The following GEN1 variants were observed in gnomAD, a reference collection of about 807,000 sequenced individuals.
The protein encoded by GEN1 is flap endonuclease GEN homolog 1.
Under a neutral mutation model 67.6 loss-of-function variants are expected in GEN1, and 64 were observed. The ratio of observed to expected loss-of-function variants is 0.95; its 90% CI spans 0.77 to 1.17. GEN1 has a LOEUF of 1.17. Ranked by LOEUF, GEN1 falls within the 50% of genes most tolerant of loss-of-function variation. The pLI, the probability that GEN1 is intolerant of heterozygous loss-of-function variation, is 0.00. For synonymous variants in GEN1, 371 were observed against 359.4 expected, an observed-to-expected ratio of 1.03 and a Z score of -0.37; for missense variants, 1,058 against 1,048.3, an observed-to-expected ratio of 1.01 and a Z score of -0.13.
chr2:17,756,954 T>C (rs1315070770), intron 1 of GEN1, among the ~76,000 whole-genome samples: 4 of 152,176 alleles, frequency 2.6e-5, no homozygotes, highest in African/African-American at 7.2e-5. Context: ...AAAGAACATG[T>C]GATAAGGAAT....
At position 17,783,954 on chromosome 2, in the gene GEN1, T is replaced by A. The variant is rs1169069339; in HGVS notation, c.*2015T>A. 2 of 152,196 alleles carry A rather than the reference T, an allele frequency of 1.3e-5. No individual in the cohort carries two copies. Among genetic ancestry groups the A allele is most frequent in the African/African-American group, 4.8e-5 (2 of 41,458 alleles). The allele number at this position is 152,196 out of a possible 1,614,324, so 9.4% of individuals were successfully genotyped here. Reference sequence around the variant, plus strand: ...TTGGATTAGGCAAGGATTTCTTAAATATACCCAAAGCATAGGCAACAAAAG... The same window carrying A: ...TTGGATTAGGCAAGGATTTCTTAAAAATACCCAAAGCATAGGCAACAAAAG... On this transcript the variant is annotated 3_prime_UTR_variant, in exon 14 of 14. Transcript: ENST00000381254.
intron 12 of GEN1, among the ~76,000 whole-genome samples, chr2:17,778,430 GTATA>G (rs1190324781): frequency 1.2e-5 from 1 of 84,226 alleles, no homozygotes; most frequent in Non-Finnish European, 2.4e-5. Flanking sequence ...GTACATATAT[GTATA>G]TACACACACA....
chr2:17,764,765 T>C, intron 3 of GEN1, 132 bp from the exon 4 acceptor site: 3 of 781,970 alleles, frequency 3.8e-6, no homozygotes, highest in East Asian at 2.9e-5. Flanking sequence ...TCCAAGTGTT[T>C]CTTAAATATC....
chr2:17,765,758 T>C (rs552168511), intron 4 of GEN1, among the ~76,000 whole-genome samples: 2 of 152,312 alleles, frequency 1.3e-5, no homozygotes, highest in African/African-American at 4.8e-5. Flanking sequence ...ATAAAAGATA[T>C]CCAGACATAT....
chr2:17,780,194 C>G (rs1672758192), intron 13 of GEN1, 73 bp downstream of exon 13: 2 of 1,163,562 alleles, frequency 1.7e-6, no homozygotes, highest in Non-Finnish European at 1.2e-6. Flanking sequence ...CTGTTTGAAT[C>G]TGCTGTGTCT....
chr2:17,755,695 T>C (rs1426994090), intron 1 of GEN1: 1 of 152,226 alleles, frequency 6.6e-6, no homozygotes, highest in Non-Finnish European at 1.5e-5. Flanking sequence ...AATTTTCTAA[T>C]GTTTTTCTTA....
rs1279717394 is a variant in GEN1, at chr2:17,760,049, T to C, written c.106T>C (p.Cys36Arg). The C allele has an allele frequency of 6.2e-7, 1 of 1,614,096 alleles. No homozygotes were observed. Among genetic ancestry groups the C allele is most frequent in the African/African-American group, 1.3e-5 (1 of 75,022 alleles). ...TGCAGTTGATCTGAGTCTCTGGGTG[T>C]GTGAGGCACAGACAGTCAAAAAAAT... ...TIAVDLSLWV[C>R]EAQTVKKMMG... The change falls in exon 2 of 14, where the codon TGT (cysteine) becomes CGT (arginine). Residue 36 changes from cysteine to arginine, a missense_variant. Transcript: ENST00000381254.
chr2:17,782,065 A>T lies in GEN1; in HGVS notation c.*126A>T. 1 of 558,334 alleles carries T rather than the reference A, an allele frequency of 1.8e-6. No individual in the cohort carries two copies. The highest frequency in any genetic ancestry group is 3.1e-6 in the Non-Finnish European group (1 of 323,738). 34.6% of individuals were successfully genotyped at this position (558,334 alleles called of 1,614,324 possible). The stretch of plus-strand genomic sequence containing the variant: ...TTCTCTGTGTCATGAAACACTTGCC[A>T]TTTTAATCAAAGTTGTAATTTTTAA... On this transcript the variant is annotated 3_prime_UTR_variant, in exon 14 of 14. Transcript: ENST00000381254.
intron 1 of GEN1, among the ~76,000 whole-genome samples, chr2:17,759,583 T>A (rs1218975361): frequency 6.6e-6 from 1 of 152,100 alleles, no homozygotes; most frequent in African/African-American, 2.4e-5. Flanking sequence ...CATGCTTCCT[T>A]GCTTTTCTTT....
chr2:17,765,474 G>A (rs542018873), intron 4 of GEN1, among the ~76,000 whole-genome samples: 214 of 152,320 alleles, frequency 1.4e-3, no homozygotes, highest in African/African-American at 4.3e-3. Flanking sequence ...CAAGCAGCCC[G>A]AGTGCTCATT....
intron 1 of GEN1, among the ~76,000 whole-genome samples, chr2:17,759,635 A>G (rs916060103): frequency 2.6e-5 from 4 of 151,578 alleles, no homozygotes; most frequent in African/African-American, 9.7e-5. Flanking sequence ...CCCATTCTCT[A>G]AGTATGTAAA....
intron 3 of GEN1, among the ~76,000 whole-genome samples, chr2:17,762,894 C>T (rs1671753410): frequency 6.6e-6 from 1 of 152,186 alleles, no homozygotes; most frequent in Non-Finnish European, 1.5e-5. Context: ...AGTGTCGGTG[C>T]ACTCACAAGA....
chr2:17,759,376 G>A (rs546333043), intron 1 of GEN1, among the ~76,000 whole-genome samples: 41 of 152,292 alleles, frequency 2.7e-4, no homozygotes, highest in Middle Eastern at 3.4e-3. Flanking sequence ...TTGGGTGGTG[G>A]TTAAAAGTTA....
At position 17,771,225 on chromosome 2, in the gene GEN1, ACT is replaced by A. The variant is rs1672174766; in HGVS notation, c.743_744del (p.Ser248Ter). Reference sequence around the variant, plus strand: ...AATCGGTGGAATGAAACATCTTGTAACTCTAGTCCACAACTGCTAGTCACTAA... The same window carrying A: ...AATCGGTGGAATGAAACATCTTGTAACTAGTCCACAACTGCTAGTCACTAA... On this transcript the variant is annotated frameshift_variant, in exon 7 of 14. Transcript: ENST00000381254. LOFTEE classifies it high-confidence loss of function. 1 of 1,611,904 alleles carries A rather than the reference ACT, an allele frequency of 6.2e-7. No homozygotes were observed. Among genetic ancestry groups the A allele is most frequent in the East Asian group, 2.2e-5 (1 of 44,828 alleles).
chr2:17,760,178 T>C, intron 2 of GEN1, 74 bp downstream of exon 2: 2 of 1,384,712 alleles, frequency 1.4e-6, no homozygotes, highest in Non-Finnish European at 2.0e-6. Context: ...GTTTCACCTT[T>C]TTTTTTCTTT....
chr2:17,778,138 G>GTATATATA, intron 12 of GEN1, 75 bp downstream of exon 12: 1 of 541,070 alleles, frequency 1.8e-6, no homozygotes, highest in Non-Finnish European at 3.4e-6. Context: ...TTGTATATGT[G>GTATATATA]TATATATATA....
Position 17,784,451 on chromosome 2 carries a change from C to G in GEN1, c.*2512C>G, listed in dbSNP as rs1187120045. 1 of 152,194 alleles carries G rather than the reference C, an allele frequency of 6.6e-6. No homozygotes were observed. Among genetic ancestry groups the G allele is most frequent in the Admixed American group, 6.5e-5 (1 of 15,278 alleles). 9.4% of individuals were successfully genotyped at this position (152,194 alleles called of 1,614,324 possible). A position where few individuals can be genotyped will look rare whatever the true frequency, so the allele number is the denominator to read the frequency against. On this transcript the variant is annotated 3_prime_UTR_variant, in exon 14 of 14. Transcript: ENST00000381254. ...GAGTTACGATATGATCCAGCAATTC[C>G]TCTCCCAGGTATATACCCAAGATAA...
At chr2:17,770,929 A>AT (rs971111422) in intron 6 of GEN1, 12 of 353,820 alleles carry the variant, frequency 3.4e-5, no homozygotes, top group African/African-American at 2.1e-4. Flanking sequence ...TATATATACA[A>AT]TTTTTTTTAA....
intron 12 of GEN1, 103 bp downstream of exon 12, chr2:17,778,166 A>C: frequency 2.0e-6 from 1 of 490,424 alleles, no homozygotes; most frequent in Non-Finnish European, 3.7e-6. Flanking sequence ...ACACACACAT[A>C]GATATGTGTA....
Sources: gnomAD v4.1 joint callset for allele counts (sites outside exome capture counted in the v4.1 genomes callset) on GRCh38, gnomAD v4.1.1 for gene constraint, MANE v1.5 for transcripts, NCBI Gene and HGNC (gene_info 2026-07-23, HGNC 2026-07-21) for gene names.